Variants in ZNF804B observed in about 807,000 individuals in gnomAD.
The protein encoded by ZNF804B is zinc finger protein 804B, also known as zinc finger 804B.
Under a neutral mutation model 101.4 loss-of-function variants are expected in ZNF804B, and 80 were observed. That is an observed-to-expected ratio of 0.79 (90% confidence interval 0.66 to 0.95). The LOEUF (loss-of-function observed/expected upper bound fraction) is 0.95, where lower values mean the gene tolerates loss of function less well. Among genes scored for constraint, ZNF804B ranks in the 40% least tolerant of loss-of-function variants. ZNF804B has a pLI of 0.00. For synonymous variants in ZNF804B, 622 were observed against 558.8 expected (o/e 1.11, Z -1.59); for missense variants, 1,673 against 1,561.9 (o/e 1.07, Z -1.20).
chr7:88,776,015 G>T (rs938723108), intron 1 of ZNF804B, among the ~76,000 whole-genome samples: 12 of 152,158 alleles, frequency 7.9e-5, no homozygotes, highest in African/African-American at 2.9e-4. Flanking sequence ...GAGTTGGACT[G>T]AGCTGGTTTG....
At chr7:89,257,196 G>C (rs1335536091) in intron 2 of ZNF804B, among the ~76,000 whole-genome samples, 1 of 152,092 alleles carries the variant, frequency 6.6e-6, no homozygotes, top group African/African-American at 2.4e-5. Context: ...CCTGTAGCTG[G>C]AGAAGTGTCC....
At position 88,789,795 on chromosome 7, in the gene ZNF804B, A is replaced by C. The variant is rs187585924; in HGVS notation, c.108+29711A>C. Among the ~76,000 whole-genome samples, 884 of 152,232 alleles carry C rather than the reference A, an allele frequency of 5.8e-3. 4 individuals are homozygous for C. The highest frequency in any genetic ancestry group is 9.4e-3 in the Non-Finnish European group (636 of 67,992). On this transcript the variant is annotated intron_variant, in intron 1 of 3. Coordinates refer to ENST00000333190, the MANE Select transcript of ZNF804B (RefSeq NM_181646.5). ...GCATTCTACTGCTAACGATAGGTTT[A>C]ACTTAATTGAAATGTGGTTTTGTGT... is the stretch of plus-strand genomic sequence containing the variant.
chr7:89,140,336 G>A (rs967398669), intron 1 of ZNF804B, among the ~76,000 whole-genome samples: 1 of 151,984 alleles, frequency 6.6e-6, no homozygotes. Flanking sequence ...TCAACTTATA[G>A]GTGCTTTAGC....
intron 1 of ZNF804B, among the ~76,000 whole-genome samples, chr7:89,209,168 G>A (rs1182973997): frequency 6.6e-6 from 1 of 152,188 alleles, no homozygotes; most frequent in South Asian, 2.1e-4. Context: ...CTGCCTGTAA[G>A]TCAGAAATTT....
chr7:89,098,712 T>C (rs1790007163), intron 1 of ZNF804B, among the ~76,000 whole-genome samples: 1 of 152,186 alleles, frequency 6.6e-6, no homozygotes, highest in Non-Finnish European at 1.5e-5. Context: ...TCTGTGCTGC[T>C]CCTACATGAC....
intron 2 of ZNF804B, among the ~76,000 whole-genome samples, chr7:89,239,784 T>C (rs888223251): frequency 6.7e-5 from 10 of 148,792 alleles, no homozygotes; most frequent in African/African-American, 2.5e-4. Flanking sequence ...TTTCTGTCTA[T>C]ATTATGTCAT....
chr7:89,110,425 G>A (rs1790200290), intron 1 of ZNF804B, among the ~76,000 whole-genome samples: 1 of 152,196 alleles, frequency 6.6e-6, no homozygotes, highest in Non-Finnish European at 1.5e-5. Flanking sequence ...AAGTTAACTA[G>A]GTAGAGAGCT....
At chr7:89,306,826 G>A (rs533589761) in intron 2 of ZNF804B, among the ~76,000 whole-genome samples, 1 of 151,936 alleles carries the variant, frequency 6.6e-6, no homozygotes. Context: ...ACAGATTTAG[G>A]AATTATACAG....
At chr7:88,979,105 T>C (rs570387374) in intron 1 of ZNF804B, among the ~76,000 whole-genome samples, 4 of 152,068 alleles carry the variant, frequency 2.6e-5, no homozygotes, top group Non-Finnish European at 5.9e-5. Context: ...TTTAAACATT[T>C]ATTGGTTCTA....
At chr7:89,317,906 T>C (rs1790759034) in intron 2 of ZNF804B, among the ~76,000 whole-genome samples, 1 of 151,944 alleles carries the variant, frequency 6.6e-6, no homozygotes, top group South Asian at 2.1e-4. Context: ...ATGCAACATA[T>C]TTTTTTTCCT....
chr7:89,095,789 C>A (rs930224806), intron 1 of ZNF804B, among the ~76,000 whole-genome samples: 1 of 152,070 alleles, frequency 6.6e-6, no homozygotes, highest in Non-Finnish European at 1.5e-5. Flanking sequence ...AAAATAGATA[C>A]AAAAATATTT....
In ZNF804B at chr7:89,300,766, C is replaced by A. The variant is rs560401330; in HGVS notation, c.250-26578C>A. 7.7e-4 allele frequency among the ~76,000 whole-genome samples: 117 copies of A among 151,982 alleles called. 3 individuals carry two copies. The highest frequency in any genetic ancestry group is 6.8e-3 in the Middle Eastern group (2 of 294). ...AAGACCTTGGATTTTAGTCTAAGAT[C>A]ATTTCTAAGCCACTAATAAGCTTTA... On this transcript the variant is annotated intron_variant, in intron 2 of 3. Transcript: ENST00000333190.
intron 1 of ZNF804B, among the ~76,000 whole-genome samples, chr7:88,830,706 A>G (rs1257560184): frequency 6.6e-6 from 1 of 151,918 alleles, no homozygotes; most frequent in Non-Finnish European, 1.5e-5. Flanking sequence ...TATAGCCCTT[A>G]TTTAGATTTC....
intron 1 of ZNF804B, among the ~76,000 whole-genome samples, chr7:88,994,441 C>T (rs967212330): frequency 6.6e-6 from 1 of 152,020 alleles, no homozygotes; most frequent in Non-Finnish European, 1.5e-5. Flanking sequence ...TATTTCATGA[C>T]ACAATCAATT....
intron 1 of ZNF804B, among the ~76,000 whole-genome samples, chr7:88,838,415 G>T (rs192469841): frequency 3.5e-4 from 53 of 151,916 alleles, no homozygotes; most frequent in African/African-American, 1.2e-3. Context: ...ATGTTACAGT[G>T]GTTTCAATAT....
At chr7:88,992,554 T>TA (rs1390268987) in intron 1 of ZNF804B, among the ~76,000 whole-genome samples, 1 of 152,196 alleles carries the variant, frequency 6.6e-6, no homozygotes, top group East Asian at 1.9e-4. Flanking sequence ...GGGCTATGGT[T>TA]AAAAAATCTA....
chr7:88,808,262 A>T (rs1482760625), intron 1 of ZNF804B, among the ~76,000 whole-genome samples: 3 of 151,896 alleles, frequency 2.0e-5, no homozygotes, highest in African/African-American at 4.8e-5. Flanking sequence ...TGCGCCTGTA[A>T]TCCCAGCTAC....
chr7:88,768,220 C>G (rs1441835345), intron 1 of ZNF804B, among the ~76,000 whole-genome samples: 1 of 152,154 alleles, frequency 6.6e-6, no homozygotes, highest in Non-Finnish European at 1.5e-5. Context: ...GAAATTTCCA[C>G]CTAGTCATTG....
chr7:89,226,924 A>T (rs187977006), intron 2 of ZNF804B, among the ~76,000 whole-genome samples: 7 of 152,200 alleles, frequency 4.6e-5, no homozygotes, highest in Admixed American at 4.6e-4. Flanking sequence ...AAAACATCAC[A>T]TAAGTCAGAT....
Sources: gnomAD v4.1 joint callset for allele counts (sites outside exome capture counted in the v4.1 genomes callset) on GRCh38, gnomAD v4.1.1 for gene constraint, MANE v1.5 for transcripts, NCBI Gene and HGNC (gene_info 2026-07-23, HGNC 2026-07-21) for gene names.